Variants in ZNF236 observed in about 807,000 individuals in gnomAD.
ZNF236 encodes zinc finger protein 236, also known as regulated by glucose.
In ZNF236, 50 loss-of-function variants were observed where a neutral mutation model predicts 191.2. The observed-to-expected ratio is 0.26, with a 90% CI of 0.21 to 0.33. The LOEUF (loss-of-function observed/expected upper bound fraction) is 0.33, where lower values mean the gene tolerates loss of function less well. ZNF236 is among the 10% of genes least tolerant of loss of function. ZNF236 has a pLI of 1.00. For missense variants in ZNF236, 1,754 were observed against 2,374.5 expected (o/e 0.74, Z 5.43); for synonymous variants, 907 against 928.8 (o/e 0.98, Z 0.43).
intron 3 of ZNF236, among the ~76,000 whole-genome samples, chr18:76,859,799 G>T (rs1976161799): frequency 6.6e-6 from 1 of 152,164 alleles, no homozygotes; most frequent in African/African-American, 2.4e-5. Flanking sequence ...ATGGGCTGGG[G>T]CTGAGGCCTT....
At position 76,925,315 on chromosome 18, in the gene ZNF236, G is replaced by A; in HGVS notation, c.3788G>A (p.Arg1263His). 6.2e-7 allele frequency: 1 copy of A among 1,614,172 alleles called. No individual in the cohort carries two copies. Among genetic ancestry groups the A allele is most frequent in the Non-Finnish European group, 8.5e-7 (1 of 1,180,040 alleles). The change falls in exon 22 of 31, where the codon CGT becomes CAT. Residue 1263 changes from arginine to histidine, a missense_variant. Arg to His is a conservative substitution (Grantham distance 29). Around this residue, in one of 5 missense-constraint regions of ZNF236, gnomAD observed 45 missense variants for 137.4 expected, o/e 0.33. Coordinates refer to ENST00000320610, the MANE Select transcript of ZNF236 (RefSeq NM_001306089.2). This position sits in a 1 kb window ranked among gnomAD's most constrained non-coding sequence, Gnocchi z 5.7. ...TGCCCGCATTGCGAGCTGCGTTTCC[G>A]TACCTCGGGTAGAAGAAAGACACAC... ...FKCPHCELRFRTSGRRKTHMQ... is the reference protein window; with the variant it reads ...FKCPHCELRFHTSGRRKTHMQ...
chr18:76,916,178 A>T (rs183463539), intron 19 of ZNF236, among the ~76,000 whole-genome samples: 3 of 152,182 alleles, frequency 2.0e-5, no homozygotes, highest in Non-Finnish European at 4.4e-5. Flanking sequence ...CAAATATGGT[A>T]TCTTGCTCTA....
intron 12 of ZNF236, 83 bp from the exon 13 acceptor site, chr18:76,905,072 C>T (rs544554204): frequency 5.4e-5 from 73 of 1,343,972 alleles, no homozygotes; most frequent in Admixed American, 7.5e-5. Context: ...TGAAGTGAAG[C>T]GAAATGCAAG....
At chr18:76,829,520 G>T (rs917394565) in intron 1 of ZNF236, among the ~76,000 whole-genome samples, 2 of 152,028 alleles carry the variant, frequency 1.3e-5, no homozygotes, top group Middle Eastern at 3.2e-3. Context: ...TAGAGATGGG[G>T]TTTCGCCATG....
At chr18:76,898,945 C>T in intron 10 of ZNF236, 74 bp from the exon 11 acceptor site, 1 of 1,273,294 alleles carries the variant, frequency 7.9e-7, no homozygotes, top group Admixed American at 1.8e-5. Flanking sequence ...GAAATAATAA[C>T]ATTTTATGTT....
At chr18:76,933,235 G>A (rs1472726210) in intron 25 of ZNF236, among the ~76,000 whole-genome samples, 1 of 152,214 alleles carries the variant, frequency 6.6e-6, no homozygotes, top group East Asian at 1.9e-4. Flanking sequence ...TAGGGAGGCC[G>A]AGGCGGGCGG....
At chr18:76,930,523 G>A (rs943579622) in intron 25 of ZNF236, among the ~76,000 whole-genome samples, 5 of 152,198 alleles carry the variant, frequency 3.3e-5, no homozygotes, top group African/African-American at 1.2e-4. Context: ...AGCTGATGAA[G>A]CTGGCATAAA....
At chr18:76,858,614 G>A (rs566758811) in intron 3 of ZNF236, among the ~76,000 whole-genome samples, 18 of 152,348 alleles carry the variant, frequency 1.2e-4, no homozygotes, top group Admixed American at 1.2e-3. Flanking sequence ...CCTGGAAGAA[G>A]TGGAAGAGGG....
chr18:76,935,849 C>A, intron 25 of ZNF236: 1 of 376,360 alleles, frequency 2.7e-6, no homozygotes. Context: ...CCACACTCCT[C>A]GGGCTCCCAC....
chr18:76,841,185 C>G (rs978127171), intron 1 of ZNF236: 2 of 152,284 alleles, frequency 1.3e-5, no homozygotes, highest in African/African-American at 4.8e-5. Flanking sequence ...GATCCACCCA[C>G]CTCGGCCTCC....
At chr18:76,920,374 A>C (rs1967500620) in intron 20 of ZNF236, among the ~76,000 whole-genome samples, 1 of 152,018 alleles carries the variant, frequency 6.6e-6, no homozygotes, top group Non-Finnish European at 1.5e-5. Context: ...AACATGGAGA[A>C]ACCTGGTCTC....
At chr18:76,827,722 G>A (rs539751392) in intron 1 of ZNF236, among the ~76,000 whole-genome samples, 5 of 152,344 alleles carry the variant, frequency 3.3e-5, no homozygotes, top group East Asian at 1.9e-4. Context: ...TAGTCAGGAC[G>A]TGAGAAGTGA....
chr18:76,912,188 T>C, intron 16 of ZNF236, 56 bp from the exon 17 acceptor site: 1 of 1,361,598 alleles, frequency 7.3e-7, no homozygotes, highest in Non-Finnish European at 1.0e-6. Context: ...CTCAGTTGTT[T>C]TATGTTTATT....
At chr18:76,874,604 G>C (rs569760149) in intron 5 of ZNF236, among the ~76,000 whole-genome samples, 1 of 152,096 alleles carries the variant, frequency 6.6e-6, no homozygotes, top group South Asian at 2.1e-4. Flanking sequence ...AAGCAGAGAA[G>C]GGGGCTAGGG....
intron 14 of ZNF236, 28 bp from the exon 15 acceptor site, chr18:76,910,040 G>A (rs776624095): frequency 1.9e-5 from 30 of 1,554,222 alleles, no homozygotes; most frequent in Admixed American, 1.7e-4. Flanking sequence ...AAATGTATGC[G>A]TCCCCCTTTT....
chr18:76,961,438 T>C (rs1968665826), intron 30 of ZNF236, among the ~76,000 whole-genome samples: 1 of 151,956 alleles, frequency 6.6e-6, no homozygotes, highest in Non-Finnish European at 1.5e-5. Context: ...AGTTTCTTTA[T>C]CCACTCGTCG....
intron 1 of ZNF236, chr18:76,824,226 A>G (rs1192497000): frequency 2.7e-6 from 2 of 748,622 alleles, no homozygotes; most frequent in African/African-American, 3.4e-5. Flanking sequence ...GGTAGGAATC[A>G]ATGTAAACTT....
rs767665208 is a variant in ZNF236, at chr18:76,928,023, T to A, written c.4511T>A (p.Leu1504Gln). 1.2e-6 allele frequency: 2 copies of A among 1,614,000 alleles called. No homozygotes were observed. Among genetic ancestry groups the A allele is most frequent in the South Asian group, 1.1e-5 (1 of 91,064 alleles). ...EITLTINNSS[L>Q]SQVLAQAAGP... ...ACCCTGACCATTAACAACTCCAGCC[T>A]GAGCCAGGTCCTGGCACAGGCCGCT... The change falls in exon 25 of 31, where the codon CTG becomes CAG. Residue 1504 changes from leucine to glutamine, a missense_variant. Leu to Gln is a moderately radical substitution (Grantham distance 113). Transcript: ENST00000320610.
intron 26 of ZNF236, among the ~76,000 whole-genome samples, chr18:76,942,433 T>A (rs507391): frequency 0.99 from 150,420 of 152,312 alleles, 74,311 homozygotes; most frequent in East Asian, 1. Context: ...CCATGAAAGA[T>A]GATGTTCCTA....
Sources: allele counts gnomAD v4.1 joint callset (sites outside exome capture counted in the v4.1 genomes callset), GRCh38; gene constraint gnomAD v4.1.1; regional missense constraint gnomAD v4.1.1; non-coding constraint Gnocchi (gnomAD v3.1); transcripts MANE v1.5; gene names NCBI Gene and HGNC (gene_info 2026-07-23, HGNC 2026-07-21).